Variants in ZNF850 observed in about 807,000 individuals in gnomAD.
ZNF850 encodes putative zinc finger protein ENSP00000330994.
A neutral mutation model predicts 11.9 loss-of-function variants in ZNF850; 2 were observed. The ratio of observed to expected loss-of-function variants is 0.17; its 90% CI spans 0.07 to 0.53. The LOEUF (loss-of-function observed/expected upper bound fraction) is 0.53, where lower values mean the gene tolerates loss of function less well. ZNF850 is among the 20% of genes least tolerant of loss of function. The pLI, the probability that ZNF850 is intolerant of heterozygous loss-of-function variation, is 0.94. For missense variants in ZNF850, 1,014 were observed against 1,316.4 expected, an observed-to-expected ratio of 0.77 and a Z score of 3.55; for synonymous variants, 381 against 443.0, an observed-to-expected ratio of 0.86 and a Z score of 1.76.
intron 4 of ZNF850, among the ~76,000 whole-genome samples, chr19:36,756,616 AT>A (rs202002694): frequency 1.6e-4 from 25 of 151,830 alleles, no homozygotes; most frequent in East Asian, 3.9e-4. Flanking sequence ...ATAATGTCAC[AT>A]TTTTTTTCCC....
chr19:36,762,346 C>T lies in ZNF850; in HGVS notation c.98G>A (p.Arg33Lys). 6.3e-7 allele frequency: 1 copy of T among 1,588,000 alleles called. No homozygotes were observed. Among genetic ancestry groups the T allele is most frequent in the African/African-American group, 1.3e-5 (1 of 74,764 alleles). The change falls in exon 3 of 5, where the codon AGA (arginine) becomes AAA (lysine). Residue 33 changes from arginine to lysine, a missense_variant. Coordinates refer to ENST00000591344, the MANE Select transcript of ZNF850 (RefSeq NM_001193552.2). ...CLDAAQKDLY[R>K]DVMMENYSSL... ...GCTGTAGTTCTCCATCATTACATCTCTGTATAAGTCCTTCTGAGCAGCGTC... is the reference window on the plus strand; with the variant it reads ...GCTGTAGTTCTCCATCATTACATCTTTGTATAAGTCCTTCTGAGCAGCGTC...
rs1270706813 is a variant in ZNF850, at chr19:36,744,183, A to C, written c.*3584T>G. The C allele has an allele frequency of 6.6e-6, 1 of 152,144 alleles. No homozygotes were observed. The highest frequency in any genetic ancestry group is 2.4e-5 in the African/African-American group (1 of 41,420). 9.4% of individuals were successfully genotyped at this position (152,144 alleles called of 1,614,324 possible). A position where few individuals can be genotyped will look rare whatever the true frequency, so the allele number is the denominator to read the frequency against. ...CAATAGCAAAACTCCCGTCTCAAAA[A>C]AAAAAAAAAGGATTTACCCCAAATA... On this transcript the variant is annotated 3_prime_UTR_variant, in exon 5 of 5. Transcript: ENST00000591344.
rs1358059233 is a variant in ZNF850 at position 36,745,671 on chromosome 19, T to TC, written c.*2095dup. 2.7e-5 allele frequency: 3 copies of TC among 109,394 alleles called. No individual in the cohort carries two copies. Among genetic ancestry groups the TC allele is most frequent in the African/African-American group, 1.1e-4 (3 of 27,156 alleles). The allele number at this position is 109,394 out of a possible 1,614,324, so 6.8% of individuals were successfully genotyped here. A position where few individuals can be genotyped will look rare whatever the true frequency, so the allele number is the denominator to read the frequency against. On this transcript the variant is annotated 3_prime_UTR_variant, in exon 5 of 5. Coordinates refer to ENST00000591344, the MANE Select transcript of ZNF850 (RefSeq NM_001193552.2). ...CCAGCCTGGGCAACAAGAGCAAAACTCCATCTCAAAAAAAAAAAAAAGAAA... is the reference window on the plus strand; with the variant it reads ...CCAGCCTGGGCAACAAGAGCAAAACTCCCATCTCAAAAAAAAAAAAAAGAAA...
In ZNF850 at chr19:36,750,053, T is replaced by A. The variant is rs1309219767; in HGVS notation, c.987A>T (p.Gln329His). The A allele has an allele frequency of 6.5e-7, 1 of 1,540,818 alleles. No individual in the cohort carries two copies. Among genetic ancestry groups the A allele is most frequent in the Admixed American group, 2.0e-5 (1 of 51,036 alleles). Reference protein sequence around the residue: ...TVGSTLIRHQQIHTGEKPYDC... With the variant: ...TVGSTLIRHQHIHTGEKPYDC... ...CATACGGTTTCTCACCAGTGTGAAT[T>A]TGCTGGTGTCGAATTAGTGTTGAGC... Residue 329 changes from glutamine (Q) to histidine (H), a missense_variant, in exon 5 of 5, where the codon CAA becomes CAT. By Grantham distance (24) the Gln-to-His change is conservative. Coordinates refer to ENST00000591344, the MANE Select transcript of ZNF850 (RefSeq NM_001193552.2).
intron 4 of ZNF850, among the ~76,000 whole-genome samples, chr19:36,753,132 G>A (rs1202658553): frequency 6.6e-6 from 1 of 151,886 alleles, no homozygotes; most frequent in African/African-American, 2.4e-5. Flanking sequence ...AGCCAGGCAT[G>A]GTGGTGCACG....
chr19:36,751,158 T>C (rs1470339102), intron 4 of ZNF850, among the ~76,000 whole-genome samples: 2 of 152,036 alleles, frequency 1.3e-5, no homozygotes, highest in Non-Finnish European at 2.9e-5. Flanking sequence ...AACAGTATTT[T>C]ATCTCTGTGA....
At position 36,750,265 on chromosome 19, in the gene ZNF850, C is replaced by T. The variant is rs187038219; in HGVS notation, c.775G>A (p.Val259Met). The change falls in exon 5 of 5, where the codon GTG (valine) becomes ATG (methionine). Residue 259 changes from valine (V) to methionine (M), a missense_variant. By Grantham distance (21) the Val-to-Met change is conservative. Around this residue, in one of 2 missense-constraint regions of ZNF850, gnomAD observed 835 missense variants for 1,022.0 expected, o/e 0.82. Coordinates refer to ENST00000591344, the MANE Select transcript of ZNF850 (RefSeq NM_001193552.2). ...TGTGCAGACGGTCTAAAGGCCTTCACGGATTCCTGACACTCATGAGGTCTC... is the reference window on the plus strand; with the variant it reads ...TGTGCAGACGGTCTAAAGGCCTTCATGGATTCCTGACACTCATGAGGTCTC... ...DERPHECQES[V>M]KAFRPSAHLI... 3.4e-4 allele frequency: 517 copies of T among 1,537,254 alleles called. 3 individuals carry two copies. In the East Asian group the frequency reaches 8.4e-3, roughly 25 times the overall value.
rs2040406221 is a variant in ZNF850, at chr19:36,745,460, C to G, written c.*2307G>C. The G allele has an allele frequency of 6.6e-6, 1 of 151,940 alleles. No individual in the cohort carries two copies. The highest frequency in any genetic ancestry group is 2.4e-5 in the African/African-American group (1 of 41,352). 9.4% of individuals were successfully genotyped at this position (151,940 alleles called of 1,614,324 possible). ...TCCTGACTACCTTATCTAAATTAGT[C>G]CTGCCCAGAGTTCAGAGACCAGCCT... On this transcript the variant is annotated 3_prime_UTR_variant, in exon 5 of 5. Coordinates refer to ENST00000591344, the MANE Select transcript of ZNF850 (RefSeq NM_001193552.2).
In ZNF850 at chr19:36,750,454, G is replaced by A. The variant is rs747839009; in HGVS notation, c.586C>T (p.Leu196Phe). ...TTCCCACACTCCTTACATTTATAGA[G>A]TTTTTCACCAGTATGGGTTTCTTGC... ...QQQETHTGEK[L>F]YKCKECGKAF... The change falls in exon 5 of 5, where the codon CTC (leucine) becomes TTC (phenylalanine). Residue 196 changes from leucine to phenylalanine, a missense_variant. Coordinates refer to ENST00000591344, the MANE Select transcript of ZNF850 (RefSeq NM_001193552.2). The A allele has an allele frequency of 7.0e-5, 107 of 1,536,380 alleles. 1 individual carries two copies. In the South Asian group the frequency reaches 1.2e-3, roughly 18 times the overall value.
chr19:36,751,544 C>G (rs886831425), intron 4 of ZNF850, among the ~76,000 whole-genome samples: 2 of 151,328 alleles, frequency 1.3e-5, no homozygotes, highest in Non-Finnish European at 2.9e-5. Context: ...ATTAAAAATA[C>G]AAAAATGAGC....
At position 36,766,790 on chromosome 19, in the gene ZNF850, G is replaced by T. The variant is rs562955539; in HGVS notation, c.-69-4115C>A. Reference sequence around the variant, plus strand: ...ATGAACACAAACAGGAAAAAATTGGGGAACTGTGTCCTTCAAAATATAAGT... The same window carrying T: ...ATGAACACAAACAGGAAAAAATTGGTGAACTGTGTCCTTCAAAATATAAGT... On this transcript the variant is annotated intron_variant, in intron 1 of 4. Coordinates refer to ENST00000591344, the MANE Select transcript of ZNF850 (RefSeq NM_001193552.2). 2.6e-5 allele frequency among the ~76,000 whole-genome samples: 4 copies of T among 152,266 alleles called. No homozygotes were observed. In the South Asian group the frequency reaches 8.3e-4, roughly 32 times the overall value.
At chr19:36,756,041 G>T (rs530741620) in intron 4 of ZNF850, among the ~76,000 whole-genome samples, 1 of 151,574 alleles carries the variant, frequency 6.6e-6, no homozygotes, top group Non-Finnish European at 1.5e-5. Flanking sequence ...TAGTAGCTGG[G>T]ATTACAGGCG....
intron 1 of ZNF850, among the ~76,000 whole-genome samples, chr19:36,769,699 T>C (rs1364122460): frequency 6.6e-6 from 1 of 152,198 alleles, no homozygotes; most frequent in Non-Finnish European, 1.5e-5. Context: ...AAACTCAAAC[T>C]ATGTTCTTCC....
In ZNF850 at chr19:36,747,954, C is replaced by A; in HGVS notation, c.3086G>T (p.Arg1029Leu). Residue 1029 changes from arginine to leucine, a missense_variant, in exon 5 of 5, where the codon CGA becomes CTA. Physicochemically the swap from Arg to Leu is moderately radical, Grantham distance 102. This residue lies in a region of ZNF850 where 179 missense variants were observed against 294.4 expected (regional missense o/e 0.61). Transcript: ENST00000591344. ...ATAAGTTTTCTCACCAGTATGGATT[C>A]GTTTATGTTGACTAAGTTGTGAAGG... Reference protein sequence around the residue: ...RCPSQLSQHKRIHTGEKTYQC... With the variant: ...RCPSQLSQHKLIHTGEKTYQC... 1 of 1,574,112 alleles carries A rather than the reference C, an allele frequency of 6.4e-7. No individual in the cohort carries two copies.
At position 36,750,154 on chromosome 19, in the gene ZNF850, G is replaced by T; in HGVS notation, c.886C>A (p.Leu296Ile). The change falls in exon 5 of 5, where the codon CTA (leucine) becomes ATA (isoleucine). Residue 296 changes from leucine to isoleucine, a missense_variant. This residue lies in a region of ZNF850 where 835 missense variants were observed against 1,022.0 expected (regional missense o/e 0.82). Transcript: ENST00000591344. ...GTGTGAATTTGCTGATGTTGATTTA[G>T]TGTTGAGCCAGAAGTAAAAGATTTC... ...CGKSFTSGST[L>I]NQHQQIHTGE... The T allele has an allele frequency of 6.5e-7, 1 of 1,538,822 alleles. No individual in the cohort carries two copies. Among genetic ancestry groups the T allele is most frequent in the Non-Finnish European group, 8.7e-7 (1 of 1,146,958 alleles).
At chr19:36,757,451 G>A (rs1158932568) in intron 4 of ZNF850, among the ~76,000 whole-genome samples, 1 of 150,254 alleles carries the variant, frequency 6.7e-6, no homozygotes, top group Non-Finnish European at 1.5e-5. Flanking sequence ...ACCAAATAAT[G>A]AAGTAGAAAA....
Position 36,747,816 on chromosome 19 carries a change from T to G in ZNF850, c.3224A>C (p.Lys1075Thr). The G allele has an allele frequency of 6.4e-7, 1 of 1,569,692 alleles. No homozygotes were observed. The highest frequency in any genetic ancestry group is 8.6e-7 in the Non-Finnish European group (1 of 1,162,020). Residue 1075 changes from lysine to threonine, a missense_variant, in exon 5 of 5, where the codon AAA becomes ACA. Coordinates refer to ENST00000591344, the MANE Select transcript of ZNF850 (RefSeq NM_001193552.2). ...YECKTCGKAF[K>T]QLTQLTRHQR... is the part of the protein sequence containing the mutation. ...ATGTCGAGTAAGCTGTGTAAGCTGT[T>G]TAAAGGCCTTCCCACATGTCTTACA...
chr19:36,748,469 A>AATTAGTGT lies in ZNF850; in HGVS notation c.2563_2570dup (p.Glu858HisfsTer2). The AATTAGTGT allele has an allele frequency of 6.5e-7, 1 of 1,548,146 alleles. No homozygotes were observed. The highest frequency in any genetic ancestry group is 8.7e-7 in the Non-Finnish European group (1 of 1,151,792). ...CACCAGTGTGAATTCGCTGATGTTCAATTAGTGTTGAGCGAGAAGTAAAAG... is the reference window on the plus strand; with the variant it reads ...CACCAGTGTGAATTCGCTGATGTTCAATTAGTGTATTAGTGTTGAGCGAGAAGTAAAAG... On this transcript the variant is annotated stop_gained and frameshift_variant, in exon 5 of 5. Transcript: ENST00000591344. LOFTEE classifies it low-confidence loss of function (END_TRUNC).
chr19:36,771,994 G>A (rs1182432083), intron 1 of ZNF850, among the ~76,000 whole-genome samples: 1 of 152,118 alleles, frequency 6.6e-6, no homozygotes, highest in African/African-American at 2.4e-5. Context: ...CCATAGAGCC[G>A]CCAACTCTCT....
Sources: allele counts gnomAD v4.1 joint callset (sites outside exome capture counted in the v4.1 genomes callset), GRCh38; gene constraint gnomAD v4.1.1; regional missense constraint gnomAD v4.1.1; transcripts MANE v1.5; gene names NCBI Gene and HGNC (gene_info 2026-07-23, HGNC 2026-07-21).